NRG3: variants seen among roughly 807,000 people sequenced by gnomAD.
The protein encoded by NRG3 is neuregulin 3, also known as pro-neuregulin-3, membrane-bound isoform.
NRG3 carries 31 observed loss-of-function variants against 66.9 expected under a neutral mutation model. That is an observed-to-expected ratio of 0.46 (90% CI 0.35 to 0.63). NRG3 has a LOEUF of 0.63. Ranked by LOEUF, NRG3 falls within the 20% of genes least tolerant of loss-of-function variation. The probability of loss-of-function intolerance (pLI) is 0.00; values close to 1 mark genes in which losing one functional copy is unlikely to be tolerated. For missense variants in NRG3, 910 were observed against 878.9 expected, an observed-to-expected ratio of 1.04 and a Z score of -0.45; for synonymous variants, 393 against 359.4, an observed-to-expected ratio of 1.09 and a Z score of -1.06.
At chr10:82,855,222 G>T (rs189690901) in intron 3 of NRG3, among the ~76,000 whole-genome samples, 110 of 152,214 alleles carry the variant, frequency 7.2e-4, no homozygotes, top group South Asian at 1.7e-3. Flanking sequence ...TAAAAGCATG[G>T]TATTAAAACA....
At chr10:82,657,193 T>C (rs1487043768) in intron 2 of NRG3, among the ~76,000 whole-genome samples, 1 of 152,190 alleles carries the variant, frequency 6.6e-6, no homozygotes, top group Non-Finnish European at 1.5e-5. Context: ...GATCACATTC[T>C]ATATAATATA....
At chr10:82,655,901 A>G (rs1591043126) in intron 2 of NRG3, among the ~76,000 whole-genome samples, 1 of 152,128 alleles carries the variant, frequency 6.6e-6, no homozygotes, top group African/African-American at 2.4e-5. Flanking sequence ...TCTTTGTAAA[A>G]TTTTCTCATT....
intron 1 of NRG3, among the ~76,000 whole-genome samples, chr10:81,941,249 T>C (rs899341660): frequency 1.3e-5 from 2 of 152,094 alleles, no homozygotes; most frequent in African/African-American, 4.8e-5. Flanking sequence ...TGGGGAGATA[T>C]TATGCATTTT....
At chr10:82,384,590 C>T (rs2085856183) in intron 2 of NRG3, among the ~76,000 whole-genome samples, 1 of 152,164 alleles carries the variant, frequency 6.6e-6, no homozygotes, top group Non-Finnish European at 1.5e-5. Context: ...GCACACATGT[C>T]CCTGCAGAGA....
chr10:82,662,582 A>G (rs1312669361), intron 2 of NRG3, among the ~76,000 whole-genome samples: 1 of 152,186 alleles, frequency 6.6e-6, no homozygotes, highest in African/African-American at 2.4e-5. Context: ...TGGACAATTC[A>G]GAAGAGCCAG....
intron 1 of NRG3, among the ~76,000 whole-genome samples, chr10:82,321,461 T>A (rs900477543): frequency 1.3e-5 from 2 of 152,208 alleles, no homozygotes; most frequent in African/African-American, 4.8e-5. Flanking sequence ...TTGTTTCCCT[T>A]CTTGTATGTC....
intron 2 of NRG3, among the ~76,000 whole-genome samples, chr10:82,516,987 G>A (rs923550171): frequency 8.5e-5 from 13 of 152,106 alleles, no homozygotes; most frequent in African/African-American, 1.2e-4. Flanking sequence ...ATGCTCTTTC[G>A]TAGTCATTTT....
At chr10:82,199,889 CGT>C (rs71007301) in intron 1 of NRG3, among the ~76,000 whole-genome samples, 2,456 of 142,718 alleles carry the variant, frequency 0.017, 56 homozygotes, top group African/African-American at 0.049. Context: ...TGTGTGTGTG[CGT>C]GTGTGTGTGT....
intron 2 of NRG3, among the ~76,000 whole-genome samples, chr10:82,644,442 T>TA (rs1270520865): frequency 2.6e-5 from 4 of 152,184 alleles, no homozygotes; most frequent in Admixed American, 1.3e-4. Context: ...CTTCTTTTTT[T>TA]AACTGTTAAA....
At chr10:82,514,064 T>C (rs907937074) in intron 2 of NRG3, among the ~76,000 whole-genome samples, 2 of 152,200 alleles carry the variant, frequency 1.3e-5, no homozygotes, top group African/African-American at 2.4e-5. Context: ...TTTGTTTAAG[T>C]TCCTTGTAGA....
chr10:82,955,820 G>A lies in NRG3; in HGVS notation c.1158-3129G>A, dbSNP rs73313228. ...GTCGCCAAGTTTGCCAGCAAACACC[G>A]GTGAAGAGTCACCTTTCTCAATCTC... On this transcript the variant is annotated intron_variant, in intron 5 of 8. Coordinates refer to ENST00000372141, the MANE Select transcript of NRG3 (RefSeq NM_001010848.4). Among the ~76,000 whole-genome samples the A allele has an allele frequency of 8.2e-3, 1,253 of 151,930 alleles. 39 individuals are homozygous for A. Among genetic ancestry groups the A allele is most frequent in the African/African-American group, 0.029 (1,183 of 41,262 alleles).
intron 3 of NRG3, among the ~76,000 whole-genome samples, chr10:82,775,875 C>G (rs1222534567): frequency 6.6e-6 from 1 of 152,032 alleles, no homozygotes; most frequent in Non-Finnish European, 1.5e-5. Flanking sequence ...CAATTTACAT[C>G]TTTTTATCAT....
chr10:82,392,023 C>T lies in NRG3; in HGVS notation c.953+33155C>T, dbSNP rs531961780. ...AAAAAAAAAAAAACAAAAAAAAAACCCACGAAACTAGGAAAAGCATTAGAA... is the reference window on the plus strand; with the variant it reads ...AAAAAAAAAAAAACAAAAAAAAAACTCACGAAACTAGGAAAAGCATTAGAA... On this transcript the variant is annotated intron_variant, in intron 2 of 8. Transcript: ENST00000372141. Among the ~76,000 whole-genome samples, 12 of 143,990 alleles carry T rather than the reference C, an allele frequency of 8.3e-5. 1 individual carries two copies. The South Asian group carries it at 2.6e-3, about 31-fold the overall frequency. 94.5% of individuals were successfully genotyped at this position (143,990 alleles called of 152,430 possible).
intron 2 of NRG3, among the ~76,000 whole-genome samples, chr10:82,615,119 T>G (rs1377548527): frequency 6.6e-6 from 1 of 152,190 alleles, no homozygotes; most frequent in Non-Finnish European, 1.5e-5. Context: ...TAGTACCTTC[T>G]TCAAATGCTT....
intron 1 of NRG3, among the ~76,000 whole-genome samples, chr10:81,957,996 G>T (rs954808203): frequency 6.6e-6 from 1 of 152,110 alleles, no homozygotes; most frequent in Non-Finnish European, 1.5e-5. Context: ...TCATAGGGTG[G>T]CCTTTCCAGA....
At chr10:82,553,034 AACACACACACAC>A (rs142641494) in intron 2 of NRG3, among the ~76,000 whole-genome samples, 20 of 146,570 alleles carry the variant, frequency 1.4e-4, no homozygotes, top group Non-Finnish European at 2.7e-4. Flanking sequence ...ATCACACACA[AACACACACACAC>A]ACACACACAC....
chr10:82,047,103 T>A (rs2063335400), intron 1 of NRG3, among the ~76,000 whole-genome samples: 4 of 151,430 alleles, frequency 2.6e-5, no homozygotes, highest in African/African-American at 9.7e-5. Flanking sequence ...TAGGGAGGAT[T>A]CCCTCTTTTT....
intron 1 of NRG3, among the ~76,000 whole-genome samples, chr10:82,355,976 G>A (rs1218943252): frequency 6.6e-6 from 1 of 152,146 alleles, no homozygotes; most frequent in African/African-American, 2.4e-5. Context: ...GGTTAAGCAT[G>A]TGCATTTTAA....
At chr10:82,381,497 G>C (rs908001195) in intron 2 of NRG3, among the ~76,000 whole-genome samples, 1 of 152,246 alleles carries the variant, frequency 6.6e-6, no homozygotes, top group African/African-American at 2.4e-5. Context: ...AAGCGGCAGA[G>C]CAAGAAGGCG....
Sources: gnomAD v4.1 joint callset for allele counts (sites outside exome capture counted in the v4.1 genomes callset) on GRCh38, gnomAD v4.1.1 for gene constraint, MANE v1.5 for transcripts, NCBI Gene and HGNC (gene_info 2026-07-23, HGNC 2026-07-21) for gene names.